BCO2: variants seen among roughly 807,000 people sequenced by gnomAD.
The protein encoded by BCO2 is carotenoid-cleaving dioxygenase, mitochondrial.
Under a neutral mutation model 65.8 loss-of-function variants are expected in BCO2, and 56 were observed. The observed-to-expected ratio is 0.85, with a 90% CI of 0.69 to 1.06. BCO2 has a LOEUF of 1.06. Ranked by LOEUF, BCO2 falls within the 50% of genes least tolerant of loss-of-function variation. The pLI is 0.00. For missense variants in BCO2, 675 were observed against 698.5 expected, an observed-to-expected ratio of 0.97 and a Z score of 0.38; for synonymous variants, 233 against 242.3, an observed-to-expected ratio of 0.96 and a Z score of 0.36.
At position 112,202,037 on chromosome 11, in the gene BCO2, A is replaced by G. The variant is rs781574390; in HGVS notation, c.1041A>G (p.Arg347=). 1.3e-6 allele frequency: 2 copies of G among 1,593,250 alleles called. No individual in the cohort carries two copies. Among genetic ancestry groups the G allele is most frequent in the East Asian group, 4.6e-5 (2 of 43,804 alleles). The change falls in exon 8 of 12, where the codon AGA becomes AGG. Residue 347 remains arginine (R), a synonymous_variant. Transcript: ENST00000357685. ...EKRTGQLLPG[R]YYSKPFVTFH... ...TTCCCCTGCAGCTCCTTCCAGGGAG[A>G]TACTACAGCAAACCTTTTGTTACAT...
chr11:112,188,539 A>G (rs1170141531), intron 2 of BCO2, among the ~76,000 whole-genome samples: 3 of 152,072 alleles, frequency 2.0e-5, no homozygotes, highest in East Asian at 1.9e-4. Context: ...TGTTTCTCCA[A>G]CATTATCACC....
intron 8 of BCO2, 78 bp from the exon 9 acceptor site, chr11:112,213,646 G>A: frequency 7.3e-7 from 1 of 1,362,640 alleles, no homozygotes; most frequent in Non-Finnish European, 1.0e-6. Flanking sequence ...TGCCAATGAT[G>A]TTGACTGGAT....
At chr11:112,181,771 G>A (rs1867057688) in intron 2 of BCO2, 1 of 847,880 alleles carries the variant, frequency 1.2e-6, no homozygotes, top group African/African-American at 1.7e-5. Context: ...GATCTTTCTT[G>A]TTTGGACCTT....
At chr11:112,198,315 C>T (rs1867636005) in intron 5 of BCO2, among the ~76,000 whole-genome samples, 1 of 151,532 alleles carries the variant, frequency 6.6e-6, no homozygotes, top group Non-Finnish European at 1.5e-5. Flanking sequence ...AGTGCAAGGC[C>T]CTGTCTCTAA....
chr11:112,215,027 T>C (rs1859624555), intron 10 of BCO2, 83 bp downstream of exon 10: 1 of 1,338,278 alleles, frequency 7.5e-7, no homozygotes, highest in Non-Finnish European at 1.1e-6. Flanking sequence ...AAAGTAGCTC[T>C]TAAGATTCTT....
Position 112,175,584 on chromosome 11 carries a change from G to A in BCO2, c.-18G>A, listed in dbSNP as rs757354544. The A allele has an allele frequency of 6.3e-7, 1 of 1,589,644 alleles. No homozygotes were observed. The highest frequency in any genetic ancestry group is 1.3e-5 in the African/African-American group (1 of 74,350). On this transcript the variant is annotated 5_prime_UTR_variant, in exon 1 of 12. Coordinates refer to ENST00000357685, the MANE Select transcript of BCO2 (RefSeq NM_031938.7). Reference sequence around the variant, plus strand: ...GTGTGAGAGGATTTGGAAATCACTGGATCTGCTCAATACAAAAATGTTTTT... The same window carrying A: ...GTGTGAGAGGATTTGGAAATCACTGAATCTGCTCAATACAAAAATGTTTTT...
chr11:112,192,800 T>C (rs1867429786), intron 2 of BCO2, among the ~76,000 whole-genome samples: 1 of 150,274 alleles, frequency 6.7e-6, no homozygotes, highest in South Asian at 2.1e-4. Flanking sequence ...GTGCCCGGCC[T>C]GGAGCTCATT....
intron 8 of BCO2, among the ~76,000 whole-genome samples, chr11:112,213,206 T>A (rs1320838385): frequency 7.4e-6 from 1 of 134,764 alleles, no homozygotes; most frequent in Non-Finnish European, 1.5e-5. Context: ...TGCAATGGCA[T>A]GATCTCGGCT....
chr11:112,190,683 C>T (rs1446652908), intron 2 of BCO2, among the ~76,000 whole-genome samples: 4 of 151,652 alleles, frequency 2.6e-5, no homozygotes, highest in Non-Finnish European at 5.9e-5. Context: ...GGTGAAACCC[C>T]GTATCTACTA....
chr11:112,187,868 C>A lies in BCO2; in HGVS notation c.294-5606C>A, dbSNP rs530079230. The stretch of plus-strand genomic sequence containing the variant: ...CAGCCCTGCAACTGTGGGCATATTC[C>A]TCTGAACCTTGGTTTCCACATCTGT... On this transcript the variant is annotated intron_variant, in intron 2 of 11. Transcript: ENST00000357685. Among the ~76,000 whole-genome samples, 3 of 151,984 alleles carry A rather than the reference C, an allele frequency of 2.0e-5. No individual in the cohort carries two copies. The South Asian group carries it at 6.3e-4, about 32-fold the overall frequency.
At chr11:112,203,912 T>C (rs1324962439) in intron 8 of BCO2, among the ~76,000 whole-genome samples, 1 of 152,068 alleles carries the variant, frequency 6.6e-6, no homozygotes, top group East Asian at 1.9e-4. Context: ...TGGAGTGCAG[T>C]GGCGCGATCT....
At chr11:112,213,905 G>T in intron 9 of BCO2, 44 bp downstream of exon 9, 1 of 933,152 alleles carries the variant, frequency 1.1e-6, no homozygotes, top group Non-Finnish European at 1.5e-6. Context: ...GAACTTTAAT[G>T]GTGTTACTTT....
intron 3 of BCO2, 23 bp from the exon 4 acceptor site, chr11:112,193,856 A>G (rs771224282): frequency 3.3e-6 from 5 of 1,525,732 alleles, no homozygotes; most frequent in Non-Finnish European, 9.1e-7. Flanking sequence ...TGGTACTTAA[A>G]TAACTCTAGG....
intron 2 of BCO2, among the ~76,000 whole-genome samples, chr11:112,182,375 C>T (rs1867075781): frequency 6.6e-6 from 1 of 152,196 alleles, no homozygotes; most frequent in African/African-American, 2.4e-5. Flanking sequence ...GACTATAAAT[C>T]ATGCTGCTAT....
At chr11:112,216,370 G>A (rs1219113195) in intron 11 of BCO2, 40 bp downstream of exon 11, 7 of 1,462,738 alleles carry the variant, frequency 4.8e-6, no homozygotes, top group Non-Finnish European at 6.7e-6. Flanking sequence ...AAGAAAAGTA[G>A]CACTGAGTCA....
intron 1 of BCO2, 125 bp from the exon 2 acceptor site, chr11:112,179,153 T>G: frequency 1.3e-6 from 1 of 784,920 alleles, no homozygotes; most frequent in Non-Finnish European, 2.0e-6. Flanking sequence ...TTGGAGCCTG[T>G]ATTTGGTGTT....
At chr11:112,199,323 G>C (rs531689014) in intron 5 of BCO2, among the ~76,000 whole-genome samples, 1 of 152,306 alleles carries the variant, frequency 6.6e-6, no homozygotes, top group South Asian at 2.1e-4. Context: ...ATTCCATAGT[G>C]TATATGTGGC....
intron 5 of BCO2, among the ~76,000 whole-genome samples, chr11:112,199,068 C>G (rs372172208): frequency 6.6e-6 from 1 of 152,080 alleles, no homozygotes; most frequent in East Asian, 1.9e-4. Flanking sequence ...ATCAACCTGT[C>G]ATCTACATTA....
intron 7 of BCO2, 27 bp downstream of exon 7, chr11:112,200,800 T>G (rs758665470): frequency 6.3e-7 from 1 of 1,595,380 alleles, no homozygotes; most frequent in East Asian, 2.2e-5. Flanking sequence ...ATATTTATCA[T>G]GAAAATTGTT....
Sources: gnomAD v4.1 joint callset for allele counts (sites outside exome capture counted in the v4.1 genomes callset) on GRCh38, gnomAD v4.1.1 for gene constraint, MANE v1.5 for transcripts, NCBI Gene and HGNC (gene_info 2026-07-23, HGNC 2026-07-21) for gene names.